CCDC30: variants seen among roughly 807,000 people sequenced by gnomAD.
The protein encoded by CCDC30 is coiled-coil domain-containing protein 30.
CCDC30 carries 70 observed loss-of-function variants against 100.2 expected under a neutral mutation model. That is an observed-to-expected ratio of 0.70 (90% CI 0.58 to 0.85). The LOEUF (loss-of-function observed/expected upper bound fraction) is 0.85, where lower values mean the gene tolerates loss of function less well. Ranked by LOEUF, CCDC30 falls within the 40% of genes least tolerant of loss-of-function variation. CCDC30 has a pLI of 0.00. For missense variants in CCDC30, 652 were observed against 771.2 expected (o/e 0.85, Z 1.83); for synonymous variants, 233 against 269.5 (o/e 0.86, Z 1.33).
At chr1:42,539,769 A>G (rs1644976997) in intron 6 of CCDC30, among the ~76,000 whole-genome samples, 1 of 152,162 alleles carries the variant, frequency 6.6e-6, no homozygotes, top group African/African-American at 2.4e-5. Flanking sequence ...AAATGTCCTG[A>G]TTCAAGCTTG....
intron 6 of CCDC30, among the ~76,000 whole-genome samples, chr1:42,531,069 G>A (rs1162071072): frequency 6.6e-6 from 1 of 152,206 alleles, no homozygotes. Flanking sequence ...CAATGTTGGA[G>A]GAGTGGCCTG....
At chr1:42,497,526 T>C (rs1644248546) in intron 5 of CCDC30, among the ~76,000 whole-genome samples, 1 of 152,208 alleles carries the variant, frequency 6.6e-6, no homozygotes, top group African/African-American at 2.4e-5. Context: ...CTCTATTATA[T>C]TGGATAAGTT....
At chr1:42,640,342 A>T (rs911220522) in intron 12 of CCDC30, among the ~76,000 whole-genome samples, 16 of 152,208 alleles carry the variant, frequency 1.1e-4, no homozygotes, top group African/African-American at 3.9e-4. Context: ...GTTTTAAAAA[A>T]TACAGTATTT....
intron 6 of CCDC30, among the ~76,000 whole-genome samples, chr1:42,557,471 A>C (rs1645392547): frequency 6.6e-6 from 1 of 152,054 alleles, no homozygotes; most frequent in African/African-American, 2.4e-5. Flanking sequence ...GAACACTGTG[A>C]TCACAAAGAT....
intron 6 of CCDC30, among the ~76,000 whole-genome samples, chr1:42,523,312 A>T (rs1406799938): frequency 6.6e-6 from 1 of 152,144 alleles, no homozygotes; most frequent in African/African-American, 2.4e-5. Context: ...CATACCTAGG[A>T]ATGTCTTAAA....
chr1:42,590,140 A>G (rs998896214), intron 10 of CCDC30: 1 of 152,084 alleles, frequency 6.6e-6, no homozygotes, highest in African/African-American at 2.4e-5. Context: ...TCCCACTATC[A>G]CCGTGTGACA....
chr1:42,459,599 A>G (rs776093332), upstream of CCDC30: 8 of 1,610,714 alleles, frequency 5.0e-6, no homozygotes, highest in South Asian at 2.2e-5. Context: ...TTTTTCCAAT[A>G]CAGATAACAA....
At chr1:42,609,214 T>C (rs1310744747) in intron 10 of CCDC30, among the ~76,000 whole-genome samples, 1 of 152,094 alleles carries the variant, frequency 6.6e-6, no homozygotes, top group Non-Finnish European at 1.5e-5. Context: ...ATGAAGACAA[T>C]GAGGATGAAA....
rs140630814 is a variant in CCDC30 at position 42,608,314 on chromosome 1, T to C, written c.1165-2664T>C. On this transcript the variant is annotated intron_variant, in intron 10 of 16. Transcript: ENST00000668663. ...GATTGCACTGTTGAAGATGCCATCA[T>C]TGTTTTTGTTTGTTTTGATTTTTGT... Among the ~76,000 whole-genome samples the C allele has an allele frequency of 1.9e-3, 296 of 152,320 alleles. 5 individuals are homozygous for C. The highest frequency in any genetic ancestry group is 4.5e-3 in the African/African-American group (189 of 41,572).
exon 9 of CCDC30, chr1:42,581,488 A>G: frequency 6.2e-7 from 1 of 1,613,562 alleles, no homozygotes; most frequent in Non-Finnish European, 8.5e-7. Flanking sequence ...AAGTAAAGCA[A>G]CAATATCAAG....
At chr1:42,567,766 A>T (rs1191194172) in intron 7 of CCDC30, among the ~76,000 whole-genome samples, 2 of 152,158 alleles carry the variant, frequency 1.3e-5, no homozygotes, top group South Asian at 4.1e-4. Context: ...ACAATACTAC[A>T]TATTTCTTAA....
At chr1:42,559,009 A>G (rs988898421) in intron 6 of CCDC30, among the ~76,000 whole-genome samples, 2 of 152,176 alleles carry the variant, frequency 1.3e-5, no homozygotes, top group Middle Eastern at 3.2e-3. Context: ...TAAGAAAAGA[A>G]TTTTCAACCC....
upstream of CCDC30, chr1:42,460,262 G>T: frequency 9.8e-6 from 10 of 1,023,270 alleles, no homozygotes; most frequent in African/African-American, 1.7e-5. Context: ...ATGCTTTGGA[G>T]ATCAAATATT....
intron 9 of CCDC30, among the ~76,000 whole-genome samples, chr1:42,583,737 G>A (rs1646013660): frequency 6.6e-6 from 1 of 152,158 alleles, no homozygotes; most frequent in South Asian, 2.1e-4. Flanking sequence ...TTGGTCTTAT[G>A]CAATTATGGG....
chr1:42,506,621 C>T (rs1644399042), intron 6 of CCDC30, among the ~76,000 whole-genome samples: 1 of 152,176 alleles, frequency 6.6e-6, no homozygotes. Context: ...ATCATTTTAG[C>T]AATTCCATGT....
chr1:42,540,931 G>A (rs1253241535), intron 6 of CCDC30, among the ~76,000 whole-genome samples: 2 of 152,070 alleles, frequency 1.3e-5, no homozygotes, highest in Admixed American at 6.5e-5. Context: ...ATCCAACCCA[G>A]GATCATACAT....
At chr1:42,577,794 C>T (rs565082435) in intron 8 of CCDC30, among the ~76,000 whole-genome samples, 15 of 152,192 alleles carry the variant, frequency 9.9e-5, no homozygotes, top group African/African-American at 2.6e-4. Flanking sequence ...GCGTCCACCA[C>T]CACGCCCGGC....
chr1:42,476,707 TA>T (rs74765935), intron 1 of CCDC30, among the ~76,000 whole-genome samples: 29,930 of 146,112 alleles, frequency 0.2, 3,309 homozygotes, highest in South Asian at 0.43. Flanking sequence ...AAAAAAAAGA[TA>T]AAAAAATTAG....
intron 11 of CCDC30, among the ~76,000 whole-genome samples, chr1:42,621,307 T>A (rs1244682619): frequency 1.3e-5 from 2 of 151,646 alleles, no homozygotes; most frequent in African/African-American, 4.9e-5. Flanking sequence ...ACTTTTTTGG[T>A]TTTTCTCTTT....
Sources: allele counts gnomAD v4.1 joint callset (sites outside exome capture counted in the v4.1 genomes callset), GRCh38; gene constraint gnomAD v4.1.1; transcripts MANE v1.5; gene names NCBI Gene and HGNC (gene_info 2026-07-23, HGNC 2026-07-21).